ALCAM: variants seen among roughly 807,000 people sequenced by gnomAD.
ALCAM encodes activated leukocyte cell adhesion molecule.
In ALCAM, 30 loss-of-function variants were observed where a neutral mutation model predicts 70.9. That is an observed-to-expected ratio of 0.42 (90% confidence interval 0.32 to 0.57). ALCAM has a LOEUF of 0.57. ALCAM is among the 20% of genes least tolerant of loss of function. ALCAM has a pLI of 0.11. For missense variants in ALCAM, 591 were observed against 695.1 expected (o/e 0.85, Z 1.68); for synonymous variants, 249 against 242.5 (o/e 1.03, Z -0.25).
chr3:105,428,540 A>G (rs1936851062), intron 1 of ALCAM, among the ~76,000 whole-genome samples: 1 of 151,958 alleles, frequency 6.6e-6, no homozygotes, highest in South Asian at 2.1e-4. Flanking sequence ...TGCCAATTTC[A>G]TGAATGAGGA....
intron 11 of ALCAM, 123 bp downstream of exon 11, chr3:105,547,646 AC>A: frequency 1.6e-6 from 2 of 1,219,540 alleles, no homozygotes; most frequent in Non-Finnish European, 2.3e-6. Flanking sequence ...TTGGTTTGTT[AC>A]CACATAGAAT....
chr3:105,368,948 C>T (rs1935154087), intron 1 of ALCAM, among the ~76,000 whole-genome samples: 2 of 152,124 alleles, frequency 1.3e-5, no homozygotes, highest in Non-Finnish European at 2.9e-5. Context: ...AGCAGGTGTC[C>T]TAGTGTAACA....
At chr3:105,406,527 C>T (rs1038625514) in intron 1 of ALCAM, among the ~76,000 whole-genome samples, 8 of 151,932 alleles carry the variant, frequency 5.3e-5, no homozygotes, top group South Asian at 2.1e-4. Context: ...TCAAAACCTC[C>T]GGGAAACAGC....
chr3:105,460,072 A>G (rs1464113588), intron 1 of ALCAM, among the ~76,000 whole-genome samples: 1 of 152,086 alleles, frequency 6.6e-6, no homozygotes, highest in Non-Finnish European at 1.5e-5. Flanking sequence ...TGGGGAAGGA[A>G]GCAGTCAAAG....
chr3:105,448,668 A>C (rs540158509), intron 1 of ALCAM, among the ~76,000 whole-genome samples: 1 of 152,216 alleles, frequency 6.6e-6, no homozygotes, highest in Non-Finnish European at 1.5e-5. Flanking sequence ...ACTCTGCACT[A>C]GGACTAGAAG....
chr3:105,485,024 C>A (rs560269129), intron 1 of ALCAM, among the ~76,000 whole-genome samples: 1 of 152,020 alleles, frequency 6.6e-6, no homozygotes, highest in South Asian at 2.1e-4. Flanking sequence ...AATATTTGTT[C>A]AAAAATTAAA....
chr3:105,563,412 TATC>T, intron 14 of ALCAM, among the ~76,000 whole-genome samples: 1 of 151,846 alleles, frequency 6.6e-6, no homozygotes, highest in South Asian at 2.1e-4. Flanking sequence ...ATTTTGCTCT[TATC>T]ATTACTACTT....
chr3:105,444,760 C>T (rs1449990497), intron 1 of ALCAM, among the ~76,000 whole-genome samples: 1 of 152,102 alleles, frequency 6.6e-6, no homozygotes. Flanking sequence ...CTCTTCATCT[C>T]CCTATTTCTA....
chr3:105,517,072 C>G (rs1939401701), intron 1 of ALCAM, among the ~76,000 whole-genome samples: 1 of 152,016 alleles, frequency 6.6e-6, no homozygotes, highest in Non-Finnish European at 1.5e-5. Context: ...CACTTCATCT[C>G]AAAGATTAAG....
chr3:105,437,039 C>G (rs1025950274), intron 1 of ALCAM, among the ~76,000 whole-genome samples: 1 of 152,118 alleles, frequency 6.6e-6, no homozygotes, highest in African/African-American at 2.4e-5. Context: ...GTGAACAAAA[C>G]AGACAAAAAA....
At chr3:105,392,282 T>C (rs1384147344) in intron 1 of ALCAM, among the ~76,000 whole-genome samples, 3 of 151,972 alleles carry the variant, frequency 2.0e-5, no homozygotes, top group Non-Finnish European at 4.4e-5. Flanking sequence ...ATTCCACTTC[T>C]TCCTGGTTTA....
chr3:105,488,285 A>G (rs1038071608), intron 1 of ALCAM, among the ~76,000 whole-genome samples: 1 of 152,112 alleles, frequency 6.6e-6, no homozygotes, highest in Non-Finnish European at 1.5e-5. Context: ...TCTTTTCTTT[A>G]TAAATTACCC....
intron 7 of ALCAM, among the ~76,000 whole-genome samples, chr3:105,540,303 GA>G (rs11328261): frequency 0.97 from 146,633 of 151,716 alleles, 71,034 homozygotes; most frequent in East Asian, 1. Flanking sequence ...AGGACAAAGA[GA>G]AAAAAAAAGC....
At chr3:105,471,047 T>A (rs751144042) in intron 1 of ALCAM, among the ~76,000 whole-genome samples, 5 of 151,216 alleles carry the variant, frequency 3.3e-5, no homozygotes, top group African/African-American at 4.8e-5. Context: ...TACACTCAAC[T>A]TCAACTGCCA....
Position 105,460,997 on chromosome 3 carries a change from GGT to G in ALCAM, c.74-59053_74-59052del, listed in dbSNP as rs138541739. Among the ~76,000 whole-genome samples, 265 of 148,100 alleles carry G rather than the reference GGT, an allele frequency of 1.8e-3. 3 individuals are homozygous for G. The highest frequency in any genetic ancestry group is 6.0e-3 in the African/African-American group (244 of 40,582). On this transcript the variant is annotated intron_variant, in intron 1 of 15. Coordinates refer to ENST00000306107, the MANE Select transcript of ALCAM (RefSeq NM_001627.4). The stretch of plus-strand genomic sequence containing the variant: ...CTTTTTAGAGATTTCAAGTAAATAT[GGT>G]GTGTGTGTGTGTGTGTATGTGTGTC...
intron 15 of ALCAM, among the ~76,000 whole-genome samples, chr3:105,573,316 G>C (rs1047582355): frequency 2.0e-5 from 3 of 152,144 alleles, no homozygotes; most frequent in African/African-American, 7.2e-5. Context: ...GACAGAATGA[G>C]ATTCTGTCTC....
chr3:105,478,851 G>A (rs1938192822), intron 1 of ALCAM, among the ~76,000 whole-genome samples: 1 of 152,120 alleles, frequency 6.6e-6, no homozygotes. Context: ...CGGGAGGCAT[G>A]AATGATGATT....
intron 14 of ALCAM, chr3:105,553,020 A>G (rs1559654377): frequency 2.0e-6 from 2 of 1,004,892 alleles, no homozygotes; most frequent in Non-Finnish European, 2.4e-6. Flanking sequence ...AGGTAGGAAT[A>G]TCTTATTGTT....
chr3:105,451,479 T>G (rs936169985), intron 1 of ALCAM, among the ~76,000 whole-genome samples: 1 of 110,106 alleles, frequency 9.1e-6, no homozygotes, highest in South Asian at 2.8e-4. Context: ...AAGAGACTAA[T>G]TAAATAAAAC....
Sources: gnomAD v4.1 joint callset for allele counts (sites outside exome capture counted in the v4.1 genomes callset) on GRCh38, gnomAD v4.1.1 for gene constraint, MANE v1.5 for transcripts, NCBI Gene and HGNC (gene_info 2026-07-23, HGNC 2026-07-21) for gene names.